RBFOX3: variants seen among roughly 807,000 people sequenced by gnomAD.
RBFOX3 encodes the protein RNA binding fox-1 homolog 3.
RBFOX3 carries 17 observed loss-of-function variants against 48.7 expected under a neutral mutation model. That is an observed-to-expected ratio of 0.35 (90% confidence interval 0.24 to 0.52). The LOEUF (loss-of-function observed/expected upper bound fraction) is 0.52, where lower values mean the gene tolerates loss of function less well. Ranked by LOEUF, RBFOX3 falls within the 20% of genes least tolerant of loss-of-function variation. The pLI, the probability that RBFOX3 is intolerant of heterozygous loss-of-function variation, is 0.94. For missense variants in RBFOX3, 382 were observed against 497.5 expected (o/e 0.77, Z 2.21); for synonymous variants, 212 against 209.5 (o/e 1.01, Z -0.10).
At chr17:79,248,762 C>G (rs2063519274) in intron 3 of RBFOX3, among the ~76,000 whole-genome samples, 1 of 152,184 alleles carries the variant, frequency 6.6e-6, no homozygotes. Flanking sequence ...AATGGGGGTC[C>G]CCGTTGACTC....
At chr17:79,406,137 C>G (rs1466965783) in intron 2 of RBFOX3, among the ~76,000 whole-genome samples, 1 of 152,230 alleles carries the variant, frequency 6.6e-6, no homozygotes, top group Admixed American at 6.5e-5. Context: ...GTGAACAGAG[C>G]TGTTGGGAAC....
chr17:79,617,894 C>T, the RBFOX3 span, among the ~76,000 whole-genome samples: 9 of 152,346 alleles, frequency 5.9e-5, no homozygotes, highest in South Asian at 1.0e-3. Flanking sequence ...ACTGCCCCGC[C>T]GCCTCTTGTG....
intron 2 of RBFOX3, among the ~76,000 whole-genome samples, chr17:79,467,671 T>C (rs62061751): frequency 0.15 from 23,186 of 152,186 alleles, 3,752 homozygotes; most frequent in African/African-American, 0.41. Context: ...GCCTCCGGCT[T>C]CCATCCATGA....
At chr17:79,317,847 G>T (rs1476802316) in intron 2 of RBFOX3, among the ~76,000 whole-genome samples, 1 of 152,190 alleles carries the variant, frequency 6.6e-6, no homozygotes, top group Non-Finnish European at 1.5e-5. Context: ...CAGGCAAAGA[G>T]ATTCGATCTG....
intron 2 of RBFOX3, among the ~76,000 whole-genome samples, chr17:79,337,604 A>T (rs1040203332): frequency 1.3e-5 from 2 of 152,090 alleles, no homozygotes; most frequent in African/African-American, 4.8e-5. Context: ...GGTGAAACCT[A>T]ATCTCTACTA....
intron 3 of RBFOX3, among the ~76,000 whole-genome samples, chr17:79,301,314 A>T (rs1452888929): frequency 2.6e-5 from 4 of 152,196 alleles, no homozygotes; most frequent in Non-Finnish European, 2.9e-5. Flanking sequence ...CCACACCCGG[A>T]CTTGGAACCC....
rs993192676 is a variant in RBFOX3, at chr17:79,198,766, T to C, written c.-34+37000A>G. 9.2e-5 allele frequency among the ~76,000 whole-genome samples: 14 copies of C among 152,070 alleles called. No homozygotes were observed. The highest frequency in any genetic ancestry group is 2.9e-4 in the African/African-American group (12 of 41,406). On this transcript the variant is annotated intron_variant, in intron 4 of 14. Transcript: ENST00000693108. The surrounding 1 kb of genome is among the most constrained non-coding windows in gnomAD (Gnocchi z 8.2). ...TCAGCCTCCCAAGTAGCTGGGATTA[T>C]AGGCATGTGCCACCACACCCAGCTA... is the stretch of plus-strand genomic sequence containing the variant.
chr17:79,588,928 G>C (rs1348225896), intron 1 of RBFOX3, among the ~76,000 whole-genome samples: 1 of 151,302 alleles, frequency 6.6e-6, no homozygotes, highest in Non-Finnish European at 1.5e-5. Flanking sequence ...CCTGCACTTG[G>C]ACCTGGGCCA....
intron 4 of RBFOX3, chr17:79,135,878 G>A (rs953739147): frequency 6.6e-6 from 1 of 152,248 alleles, no homozygotes; most frequent in African/African-American, 2.4e-5. Flanking sequence ...GCTGCGCTAT[G>A]AGCTGCTGAG....
At chr17:79,280,548 A>C (rs2070163870) in intron 3 of RBFOX3, among the ~76,000 whole-genome samples, 1 of 152,200 alleles carries the variant, frequency 6.6e-6, no homozygotes, top group Admixed American at 6.5e-5. Context: ...CCCTGCCTTG[A>C]GCAACTGGGA....
intron 1 of RBFOX3, among the ~76,000 whole-genome samples, chr17:79,543,467 A>G (rs1555790943): frequency 6.6e-6 from 1 of 152,024 alleles, no homozygotes; most frequent in East Asian, 1.9e-4. Flanking sequence ...ACCCCCTTGG[A>G]ACCAAACAGG....
chr17:79,492,366 G>A (rs375540474), intron 1 of RBFOX3, among the ~76,000 whole-genome samples: 1 of 152,240 alleles, frequency 6.6e-6, no homozygotes, highest in Non-Finnish European at 1.5e-5. Flanking sequence ...TTCAGCAGAA[G>A]TGAAGGTTCA....
intron 1 of RBFOX3, among the ~76,000 whole-genome samples, chr17:79,504,973 G>A (rs1166670905): frequency 6.6e-6 from 1 of 152,180 alleles, no homozygotes; most frequent in Non-Finnish European, 1.5e-5. Context: ...CAAGAAAATG[G>A]TTCTTGGGGA....
At chr17:79,528,709 G>A (rs1348107278) in intron 1 of RBFOX3, among the ~76,000 whole-genome samples, 2 of 152,064 alleles carry the variant, frequency 1.3e-5, no homozygotes, top group Non-Finnish European at 2.9e-5. Flanking sequence ...TGGAGGCAGA[G>A]GCTGGAGTAA....
intron 2 of RBFOX3, among the ~76,000 whole-genome samples, chr17:79,436,366 C>T (rs570944065): frequency 2.9e-4 from 44 of 152,356 alleles, no homozygotes; most frequent in African/African-American, 1.0e-3. Flanking sequence ...GACAGAGGGG[C>T]ATGGCCCCGG....
chr17:79,365,006 C>T (rs757129824), intron 2 of RBFOX3, among the ~76,000 whole-genome samples: 10 of 152,078 alleles, frequency 6.6e-5, no homozygotes, highest in Non-Finnish European at 1.2e-4. Flanking sequence ...GCAGGATGCT[C>T]CCTGGGCCAG....
intron 4 of RBFOX3, among the ~76,000 whole-genome samples, chr17:79,125,007 G>T (rs2036807663): frequency 6.6e-6 from 1 of 152,218 alleles, no homozygotes; most frequent in Admixed American, 6.5e-5. Flanking sequence ...GCGTGGTGAT[G>T]GCTCTGTCGT....
At chr17:79,349,259 C>T (rs918173404) in intron 2 of RBFOX3, among the ~76,000 whole-genome samples, 3 of 152,044 alleles carry the variant, frequency 2.0e-5, no homozygotes, top group African/African-American at 4.8e-5. Context: ...CTGTGGGCTG[C>T]GGGGCCAGGC....
At chr17:79,181,962 AACACACACACACAC>A (rs56842759) in intron 4 of RBFOX3, among the ~76,000 whole-genome samples, 3,241 of 148,386 alleles carry the variant, frequency 0.022, 88 homozygotes, top group African/African-American at 0.069. Flanking sequence ...GTCTCCAAGA[AACACACACACACAC>A]ACACACACAC....
Sources: allele counts gnomAD v4.1 joint callset (sites outside exome capture counted in the v4.1 genomes callset), GRCh38; gene constraint gnomAD v4.1.1; non-coding constraint Gnocchi (gnomAD v3.1); transcripts MANE v1.5; gene names NCBI Gene and HGNC (gene_info 2026-07-23, HGNC 2026-07-21).